KDM5A: variants seen among roughly 807,000 people sequenced by gnomAD.
KDM5A encodes lysine demethylase 5A, also known as lysine-specific demethylase 5A.
A neutral mutation model predicts 193.5 loss-of-function variants in KDM5A; 42 were observed. The ratio of observed to expected loss-of-function variants is 0.22; its 90% confidence interval spans 0.17 to 0.28. The LOEUF (loss-of-function observed/expected upper bound fraction) is 0.28, where lower values mean the gene tolerates loss of function less well. Among genes scored for constraint, KDM5A ranks in the 10% least tolerant of loss-of-function variants. The probability of loss-of-function intolerance (pLI) is 1.00; values close to 1 mark genes in which losing one functional copy is unlikely to be tolerated. For missense variants in KDM5A, 1,692 were observed against 2,055.1 expected, an observed-to-expected ratio of 0.82 and a Z score of 3.42; for synonymous variants, 796 against 718.1, an observed-to-expected ratio of 1.11 and a Z score of -1.73.
At position 285,630 on chromosome 12, in the gene KDM5A, A is replaced by G; in HGVS notation, c.4899T>C (p.Asp1633=). ...VDWVQCDGGC[D]EWFHQVCVGV... ...CCACACAAACTTGATGAAACCACTC[A>G]TCACAGCCACCATCACATTGTACCC... is the stretch of plus-strand genomic sequence containing the variant. Residue 1633 remains aspartate, a synonymous_variant, in exon 28 of 28, where the codon GAT becomes GAC. Transcript: ENST00000399788. 6.2e-7 allele frequency: 1 copy of G among 1,614,022 alleles called. No individual in the cohort carries two copies. Among genetic ancestry groups the G allele is most frequent in the Non-Finnish European group, 8.5e-7 (1 of 1,179,926 alleles).
rs948439009 is a variant in KDM5A at position 284,133 on chromosome 12, T to A, written c.*1323A>T. On this transcript the variant is annotated 3_prime_UTR_variant, in exon 28 of 28. Coordinates refer to ENST00000399788, the MANE Select transcript of KDM5A (RefSeq NM_001042603.3). ...GTACTACAAAGAAGGAATGGGATTT[T>A]TTTTTTTAAAGCAAAAAAGAAAAAG... 4 of 231,414 alleles carry A rather than the reference T, an allele frequency of 1.7e-5. No homozygotes were observed. The highest frequency in any genetic ancestry group is 3.4e-5 in the Non-Finnish European group (4 of 116,864). The allele number at this position is 231,414 out of a possible 1,614,324, so 14.3% of individuals were successfully genotyped here.
At position 355,264 on chromosome 12, in the gene KDM5A, T is replaced by C; in HGVS notation, c.779-15A>G. On this transcript the variant is annotated splice_polypyrimidine_tract_variant and intron_variant, in intron 6 of 27. Coordinates refer to ENST00000399788, the MANE Select transcript of KDM5A (RefSeq NM_001042603.3). ...GGTGACCTCATCTTGAAATAAAAAGTTACACAATAATAGTAAAAACCAATG... is the reference window on the plus strand; with the variant it reads ...GGTGACCTCATCTTGAAATAAAAAGCTACACAATAATAGTAAAAACCAATG... 6.6e-7 allele frequency: 1 copy of C among 1,507,162 alleles called. No homozygotes were observed. 93.4% of individuals were successfully genotyped at this position (1,507,162 alleles called of 1,614,324 possible).
intron 10 of KDM5A, 103 bp from the exon 11 acceptor site, chr12:334,525 ATAGTC>A: frequency 1.2e-6 from 1 of 818,454 alleles, no homozygotes; most frequent in South Asian, 1.4e-5. Flanking sequence ...AATATTTATA[ATAGTC>A]TAGTGCATAC....
rs1943152861 is a variant in KDM5A, at chr12:281,415, G to A, written c.*4041C>T. The A allele has an allele frequency of 4.3e-6, 1 of 232,994 alleles. No homozygotes were observed. Among genetic ancestry groups the A allele is most frequent in the African/African-American group, 2.2e-5 (1 of 45,292 alleles). 14.4% of individuals were successfully genotyped at this position (232,994 alleles called of 1,614,324 possible). A position where few individuals can be genotyped will look rare whatever the true frequency, so the allele number is the denominator to read the frequency against. On this transcript the variant is annotated 3_prime_UTR_variant, in exon 28 of 28. Transcript: ENST00000399788. The stretch of plus-strand genomic sequence containing the variant: ...ATCATTTGTTGCATAGTGGTGACTG[G>A]ATATGATCCAGGCCAAGACAAGACC...
intron 3 of KDM5A, among the ~76,000 whole-genome samples, chr12:380,557 A>T (rs1200962055): frequency 6.6e-6 from 1 of 152,054 alleles, no homozygotes; most frequent in African/African-American, 2.4e-5. Context: ...TCTTTACTAA[A>T]AATATAAAAA....
intron 3 of KDM5A, among the ~76,000 whole-genome samples, chr12:373,525 A>C (rs1266064212): frequency 2.0e-5 from 3 of 152,110 alleles, no homozygotes; most frequent in Non-Finnish European, 4.4e-5. Context: ...CTTTTCAAAA[A>C]ACCAGCTCCT....
chr12:356,575 C>CTAATG, intron 5 of KDM5A, 38 bp from the exon 6 acceptor site: 2 of 1,260,100 alleles, frequency 1.6e-6, no homozygotes, highest in Non-Finnish European at 2.3e-6. Context: ...CATAATCATG[C>CTAATG]TGATTCATGC....
intron 3 of KDM5A, among the ~76,000 whole-genome samples, chr12:368,499 G>A (rs1272330824): frequency 6.6e-6 from 1 of 152,108 alleles, no homozygotes; most frequent in African/African-American, 2.4e-5. Context: ...TGGAGGCTGA[G>A]GCAGGCGGAT....
intron 3 of KDM5A, among the ~76,000 whole-genome samples, chr12:369,791 C>G (rs140220695): frequency 6.6e-6 from 1 of 152,288 alleles, no homozygotes; most frequent in East Asian, 1.9e-4. Context: ...GCCCTCTTAT[C>G]TTTACTATCC....
rs1277212824 is a variant in KDM5A at position 354,110 on chromosome 12, T to C, written c.995A>G (p.Lys332Arg). 6.2e-7 allele frequency: 1 copy of C among 1,613,892 alleles called. No homozygotes were observed. The highest frequency in any genetic ancestry group is 1.1e-5 in the South Asian group (1 of 91,062). ...CLIPPLPDVP[K>R]GDWRCPKCVA... ...ACATTTAGGACACCTCCAGTCTCCT[T>C]TGGGCACATCAGGTAGTGGAGGAAT... The change falls in exon 8 of 28, where the codon AAA (lysine) becomes AGA (arginine). Residue 332 changes from lysine to arginine, a missense_variant. Physicochemically the swap from Lys to Arg is conservative, Grantham distance 26. This residue lies in a region of KDM5A where 62 missense variants were observed against 107.1 expected (regional missense o/e 0.58). Coordinates refer to ENST00000399788, the MANE Select transcript of KDM5A (RefSeq NM_001042603.3).
intron 19 of KDM5A, among the ~76,000 whole-genome samples, chr12:317,832 T>G (rs114093742): frequency 4.6e-5 from 7 of 152,160 alleles, no homozygotes; most frequent in Non-Finnish European, 8.8e-5. Context: ...CTGTACCCAC[T>G]GCCACTGACC....
intron 20 of KDM5A, among the ~76,000 whole-genome samples, chr12:311,519 T>C (rs1006225509): frequency 1.3e-5 from 2 of 151,840 alleles, no homozygotes; most frequent in African/African-American, 4.8e-5. Flanking sequence ...AAACACATGA[T>C]AGTTACCTAT....
intron 3 of KDM5A, among the ~76,000 whole-genome samples, chr12:383,404 A>G (rs569311467): frequency 1.2e-4 from 18 of 152,098 alleles, no homozygotes; most frequent in African/African-American, 3.1e-4. Context: ...TTTAGTAGAC[A>G]TAGGGTTTCA....
intron 5 of KDM5A, among the ~76,000 whole-genome samples, chr12:360,203 G>C (rs1032505381): frequency 3.9e-5 from 6 of 152,014 alleles, no homozygotes; most frequent in Non-Finnish European, 7.4e-5. Flanking sequence ...GAACCCGGGA[G>C]GCAGAGGTCA....
At position 285,474 on chromosome 12, in the gene KDM5A, A is replaced by C. The variant is rs760025296; in HGVS notation, c.5055T>G (p.Asp1685Glu). 1 of 1,613,914 alleles carries C rather than the reference A, an allele frequency of 6.2e-7. No individual in the cohort carries two copies. The highest frequency in any genetic ancestry group is 1.7e-5 in the Admixed American group (1 of 59,974). ...FIMSYKLPMEDLKETS is the reference protein window; with the variant it reads ...FIMSYKLPMEELKETS ...GCATCTGCTAACTGGTCTCTTTAAG[A>C]TCCTCCATTGGTAGTTTGTAGCTCA... Residue 1685 changes from aspartate to glutamate, a missense_variant, in exon 28 of 28, where the codon GAT (aspartate) becomes GAG (glutamate). Transcript: ENST00000399788.
In KDM5A at chr12:362,918, C is replaced by T. The variant is rs771401734; in HGVS notation, c.672+45G>A. 10 of 1,586,312 alleles carry T rather than the reference C, an allele frequency of 6.3e-6. No homozygotes were observed. The South Asian group carries it at 1.1e-4, about 18-fold the overall frequency. ...GGCTAGCCTGGGCAACATCAGGAGA[C>T]TACATCTTTATTTAAAAATTTAAAA... On this transcript the variant is annotated intron_variant, in intron 5 of 27. Transcript: ENST00000399788.
rs116345586 is a variant in KDM5A at position 339,568 on chromosome 12, G to A, written c.1309-5146C>T. Among the ~76,000 whole-genome samples, 94 of 152,228 alleles carry A rather than the reference G, an allele frequency of 6.2e-4. 1 individual carries two copies. Among genetic ancestry groups the A allele is most frequent in the African/African-American group, 2.1e-3 (89 of 41,530 alleles). On this transcript the variant is annotated intron_variant, in intron 10 of 27. Transcript: ENST00000399788. Reference sequence around the variant, plus strand: ...TTTAATGCCTGGGAATCAATGTTTCGATCTATTTAAAACTAAAAAGAGAAA... The same window carrying A: ...TTTAATGCCTGGGAATCAATGTTTCAATCTATTTAAAACTAAAAAGAGAAA...
chr12:328,525 A>T (rs1943821545), intron 14 of KDM5A, among the ~76,000 whole-genome samples: 1 of 152,162 alleles, frequency 6.6e-6, no homozygotes, highest in Non-Finnish European at 1.5e-5. Context: ...TTCAACAGAA[A>T]GCTCAGAAAA....
At chr12:336,387 G>A (rs1037860038) in intron 10 of KDM5A, among the ~76,000 whole-genome samples, 36 of 149,616 alleles carry the variant, frequency 2.4e-4, no homozygotes, top group African/African-American at 8.8e-4. Flanking sequence ...AGTCACAGAG[G>A]ATGGAATAAC....
Sources: allele counts gnomAD v4.1 joint callset (sites outside exome capture counted in the v4.1 genomes callset), GRCh38; gene constraint gnomAD v4.1.1; regional missense constraint gnomAD v4.1.1; transcripts MANE v1.5; gene names NCBI Gene and HGNC (gene_info 2026-07-23, HGNC 2026-07-21).